The following CFAP47 variants were observed in gnomAD, a reference collection of about 807,000 sequenced individuals.
CFAP47 encodes the protein cilia- and flagella-associated protein 47.
A neutral mutation model predicts 148.1 loss-of-function variants in CFAP47; 29 were observed. That is an observed-to-expected ratio of 0.20 (90% confidence interval 0.15 to 0.27). The LOEUF is 0.27. CFAP47 is among the 10% of genes least tolerant of loss of function. CFAP47 has a pLI of 1.00. For missense variants in CFAP47, 1,872 were observed against 1,697.5 expected, an observed-to-expected ratio of 1.10 and a Z score of -1.81; for synonymous variants, 664 against 577.3, an observed-to-expected ratio of 1.15 and a Z score of -2.15.
rs782814754 is a variant in CFAP47 at position 36,350,107 on chromosome X, A to C, written c.8673A>C (p.Gln2891His). The change falls in exon 59 of 64, where the codon CAA becomes CAC. Residue 2891 changes from glutamine to histidine, a missense_variant. Coordinates refer to ENST00000378653, the MANE Select transcript of CFAP47 (RefSeq NM_001304548.2). ...TATACCCTATTGTTGGACTCCCACA[A>C]GCACCACCTCCTAAATCTCCCCCAG... ...HWIYPIVGLP[Q>H]APPPKSPPVV... The C allele has an allele frequency of 9.6e-5, 111 of 1,154,342 alleles. No homozygotes were observed. In the South Asian group the frequency reaches 2.1e-3, roughly 22 times the overall value.
chrX:35,932,787 C>A (rs1212472057), intron 2 of CFAP47, among the ~76,000 whole-genome samples: 1 of 110,158 alleles, frequency 9.1e-6, no homozygotes, highest in South Asian at 3.9e-4. Context: ...CCACCATGCC[C>A]AGCTAATTTT....
rs778240155 is a variant in CFAP47 at position 35,986,109 on chromosome X, C to T, written c.2714-3210C>T. ...TGGGGTTGCTCTTCTTGAGGAGTATCTTTGTGGTGTTCTCTGTATTTCCTG... is the reference window on the plus strand; with the variant it reads ...TGGGGTTGCTCTTCTTGAGGAGTATTTTTGTGGTGTTCTCTGTATTTCCTG... On this transcript the variant is annotated intron_variant, in intron 15 of 63. Coordinates refer to ENST00000378653, the MANE Select transcript of CFAP47 (RefSeq NM_001304548.2). Among the ~76,000 whole-genome samples, 6 of 111,121 alleles carry T rather than the reference C, an allele frequency of 5.4e-5. No individual in the cohort carries two copies. The East Asian group carries it at 1.7e-3, about 32-fold the overall frequency.
chrX:35,951,782 A>G, intron 5 of CFAP47, 21 bp from the exon 6 acceptor site: 1 of 1,084,038 alleles, frequency 9.2e-7, no homozygotes, highest in Non-Finnish European at 1.2e-6. Flanking sequence ...ATACTCTTTT[A>G]TATCTGACTT....
At position 36,233,845 on chromosome X, in the gene CFAP47, A is replaced by T. The variant is rs1248638331; in HGVS notation, c.7015-2089A>T. On this transcript the variant is annotated intron_variant, in intron 46 of 63. Transcript: ENST00000378653. ...AATCTCTCAGCATTTGCTTGTCTGT[A>T]AAGGATTTTATTTCTCCTTCACTTA... 5.4e-5 allele frequency among the ~76,000 whole-genome samples: 6 copies of T among 110,592 alleles called. No individual in the cohort carries two copies. The Admixed American group carries it at 5.8e-4, about 11-fold the overall frequency.
At chrX:36,295,012 C>T (rs1194891312) in intron 51 of CFAP47, among the ~76,000 whole-genome samples, 1 of 111,445 alleles carries the variant, frequency 9.0e-6, no homozygotes, top group Non-Finnish European at 1.9e-5. Context: ...ATTGTTTAGT[C>T]CTCTTGTAAA....
At chrX:36,093,515 T>C (rs1432776912) in intron 30 of CFAP47, among the ~76,000 whole-genome samples, 1 of 111,437 alleles carries the variant, frequency 9.0e-6, no homozygotes, top group African/African-American at 3.2e-5. Context: ...TCAATGATGT[T>C]AAGTACATTT....
chrX:36,295,974 ACT>A (rs1454808445), intron 51 of CFAP47, among the ~76,000 whole-genome samples: 1 of 112,011 alleles, frequency 8.9e-6, no homozygotes, highest in African/African-American at 3.2e-5. Flanking sequence ...TATTTTCAAA[ACT>A]CTGAATAATT....
chrX:35,946,284 A>G (rs750482596), intron 3 of CFAP47, among the ~76,000 whole-genome samples: 1 of 112,350 alleles, frequency 8.9e-6, no homozygotes, highest in African/African-American at 3.2e-5. Flanking sequence ...AATAAGACAT[A>G]GTAATGTTGA....
At chrX:35,965,957 A>T (rs1397917844) in intron 8 of CFAP47, among the ~76,000 whole-genome samples, 1 of 110,104 alleles carries the variant, frequency 9.1e-6, no homozygotes, top group African/African-American at 3.3e-5. Flanking sequence ...CTTTAAGTAA[A>T]TACTCCTTGG....
rs781796709 is a variant in CFAP47 at position 36,211,824 on chromosome X, T to G, written c.6817+6714T>G. On this transcript the variant is annotated intron_variant, in intron 45 of 63. Coordinates refer to ENST00000378653, the MANE Select transcript of CFAP47 (RefSeq NM_001304548.2). ...CTCCCTTCTTTTAAAGAAAAAAAAT[T>G]GAAATGTAAGGCTGTGTAAGATTTG... Among the ~76,000 whole-genome samples the G allele has an allele frequency of 8.1e-5, 9 of 111,513 alleles. No homozygotes were observed. In the South Asian group the frequency reaches 3.4e-3, roughly 42 times the overall value.
At chrX:36,371,567 ATATG>A (rs1941935680) in intron 62 of CFAP47, among the ~76,000 whole-genome samples, 1 of 99,719 alleles carries the variant, frequency 1.0e-5, no homozygotes, top group South Asian at 5.0e-4. Flanking sequence ...ATGTGTATAT[ATATG>A]TGTGTATATA....
intron 42 of CFAP47, among the ~76,000 whole-genome samples, chrX:36,194,996 T>A (rs1939904822): frequency 1.8e-5 from 2 of 112,517 alleles, no homozygotes; most frequent in African/African-American, 6.4e-5. Flanking sequence ...TTACTGAACA[T>A]ATGACACAGT....
chrX:35,948,796 TGTGC>T (rs1469968715), intron 4 of CFAP47, among the ~76,000 whole-genome samples: 1 of 110,077 alleles, frequency 9.1e-6, no homozygotes, highest in African/African-American at 3.3e-5. Flanking sequence ...GGTGTGTGTG[TGTGC>T]GTGTGTGTGT....
In CFAP47 at chrX:35,919,946, C is replaced by A; in HGVS notation, c.147C>A (p.Phe49Leu). 2 of 1,211,049 alleles carry A rather than the reference C, an allele frequency of 1.7e-6. No homozygotes were observed. Among genetic ancestry groups the A allele is most frequent in the Non-Finnish European group, 2.2e-6 (2 of 895,241 alleles). ...QLRVIPAEVK[F>L]LDTMAGRVYR... ...GGGTGATCCCGGCTGAGGTGAAGTT[C>A]CTGGACACGATGGCCGGGAGGGTGT... The change falls in exon 1 of 64, where the codon TTC becomes TTA. Residue 49 changes from phenylalanine (F) to leucine (L), a missense_variant. By Grantham distance (22) the Phe-to-Leu change is conservative. Coordinates refer to ENST00000378653, the MANE Select transcript of CFAP47 (RefSeq NM_001304548.2).
intron 50 of CFAP47, among the ~76,000 whole-genome samples, chrX:36,283,699 T>C (rs1476344532): frequency 6.2e-5 from 7 of 112,020 alleles, no homozygotes; most frequent in Non-Finnish European, 1.3e-4. Flanking sequence ...TCCACAGTTG[T>C]GTGAGCCAAT....
At chrX:36,143,557 A>G (rs993525429) in intron 35 of CFAP47, among the ~76,000 whole-genome samples, 2 of 111,674 alleles carry the variant, frequency 1.8e-5, no homozygotes, top group Non-Finnish European at 3.8e-5. Context: ...ATTGACACTG[A>G]CAGAGTTGTT....
rs753775445 is a variant in CFAP47, at chrX:35,995,640, A to G, written c.3100-1672A>G. On this transcript the variant is annotated intron_variant, in intron 18 of 63. Transcript: ENST00000378653. ...TGTGAGTAACACCCTATTAGAGGAA[A>G]ACGTTTGCTTGAATTGGAGGCATCT... Among the ~76,000 whole-genome samples, 58 of 111,273 alleles carry G rather than the reference A, an allele frequency of 5.2e-4. 1 individual carries two copies. The highest frequency in any genetic ancestry group is 5.7e-5 in the Non-Finnish European group (3 of 52,981).
At chrX:36,337,915 G>A (rs1351703296) in intron 57 of CFAP47, among the ~76,000 whole-genome samples, 11 of 93,732 alleles carry the variant, frequency 1.2e-4, no homozygotes, top group African/African-American at 4.0e-4. Flanking sequence ...CGCCCAGGCT[G>A]GAGTGCGGTG....
intron 33 of CFAP47, among the ~76,000 whole-genome samples, chrX:36,122,879 G>A (rs67033520): frequency 0.098 from 10,799 of 110,755 alleles, 1,042 homozygotes; most frequent in African/African-American, 0.3. Flanking sequence ...TTCGGTGACT[G>A]GGAGTTGAAG....
Sources: allele counts gnomAD v4.1 joint callset (sites outside exome capture counted in the v4.1 genomes callset), GRCh38; gene constraint gnomAD v4.1.1; transcripts MANE v1.5; gene names NCBI Gene and HGNC (gene_info 2026-07-23, HGNC 2026-07-21).